The following ADAMTSL1 variants were observed in gnomAD, a reference collection of about 807,000 sequenced individuals.
The protein encoded by ADAMTSL1 is ADAMTS like 1, also known as ADAMTS-like protein 1.
A neutral mutation model predicts 201.8 loss-of-function variants in ADAMTSL1; 126 were observed. That is an observed-to-expected ratio of 0.62 (90% CI 0.54 to 0.72). The LOEUF (loss-of-function observed/expected upper bound fraction) is 0.72, where lower values mean the gene tolerates loss of function less well. Ranked by LOEUF, ADAMTSL1 falls within the 30% of genes least tolerant of loss-of-function variation. The pLI is 0.00. For missense variants in ADAMTSL1, 2,679 were observed against 2,277.8 expected (o/e 1.18, Z -3.59); for synonymous variants, 1,121 against 903.4 (o/e 1.24, Z -4.32).
chr9:17,949,911 T>C (rs577591372), intron 1 of ADAMTSL1, among the ~76,000 whole-genome samples: 2 of 152,266 alleles, frequency 1.3e-5, no homozygotes, highest in African/African-American at 2.4e-5. Flanking sequence ...TTTTGTTACA[T>C]GCTGTTACCG....
chr9:18,562,634 T>C (rs899822540), intron 3 of ADAMTSL1, among the ~76,000 whole-genome samples: 6 of 152,228 alleles, frequency 3.9e-5, no homozygotes, highest in African/African-American at 1.4e-4. Flanking sequence ...CCATTCTCCC[T>C]GTCACTTTCA....
At chr9:18,484,382 T>C (rs781120508) in intron 1 of ADAMTSL1, among the ~76,000 whole-genome samples, 27 of 152,254 alleles carry the variant, frequency 1.8e-4, no homozygotes, top group Admixed American at 3.3e-4. Flanking sequence ...TCATTATTTA[T>C]AGTGATTCAA....
intron 2 of ADAMTSL1, among the ~76,000 whole-genome samples, chr9:18,314,152 GATA>G (rs1456239998): frequency 1.3e-5 from 2 of 152,288 alleles, no homozygotes; most frequent in East Asian, 3.9e-4. Flanking sequence ...CATCTGTTAA[GATA>G]ATTATTATCA....
At chr9:18,168,293 G>T (rs1350491545) in intron 2 of ADAMTSL1, among the ~76,000 whole-genome samples, 2 of 151,696 alleles carry the variant, frequency 1.3e-5, no homozygotes, top group Admixed American at 6.6e-5. Flanking sequence ...ACCCCACAAG[G>T]GTCCCTGGTG....
At chr9:18,535,797 T>C (rs1222726766) in intron 3 of ADAMTSL1, among the ~76,000 whole-genome samples, 3 of 152,188 alleles carry the variant, frequency 2.0e-5, no homozygotes, top group South Asian at 2.1e-4. Context: ...AAGCCCCTTA[T>C]AAAATCATCA....
chr9:17,985,204 T>C (rs1818876010), intron 1 of ADAMTSL1, among the ~76,000 whole-genome samples: 1 of 152,158 alleles, frequency 6.6e-6, no homozygotes. Flanking sequence ...AAAAAGTTTT[T>C]CTCTTTTTTG....
intron 2 of ADAMTSL1, among the ~76,000 whole-genome samples, chr9:18,315,192 C>CATGACACAGAGTGG (rs1834331552): frequency 4.0e-5 from 6 of 151,804 alleles, no homozygotes; most frequent in African/African-American, 7.3e-5. Flanking sequence ...ACACAGAGTG[C>CATGACACAGAGTGG]TGATTGGAGC....
intron 2 of ADAMTSL1, among the ~76,000 whole-genome samples, chr9:18,458,327 C>G (rs1263340398): frequency 1.3e-5 from 2 of 152,154 alleles, no homozygotes; most frequent in African/African-American, 4.8e-5. Context: ...AATACATATC[C>G]TTACTATGTG....
chr9:18,689,055 G>GA (rs1831051008), intron 13 of ADAMTSL1, among the ~76,000 whole-genome samples: 1 of 151,980 alleles, frequency 6.6e-6, no homozygotes. Context: ...TGCTTTCATG[G>GA]AAAAATATAT....
intron 2 of ADAMTSL1, among the ~76,000 whole-genome samples, chr9:18,288,950 C>G (rs921777523): frequency 6.6e-6 from 1 of 152,184 alleles, no homozygotes; most frequent in Non-Finnish European, 1.5e-5. Context: ...CTTAGTCTTT[C>G]TAGCCTGTGG....
At chr9:18,375,153 A>G (rs1563920838) in intron 2 of ADAMTSL1, among the ~76,000 whole-genome samples, 1 of 152,202 alleles carries the variant, frequency 6.6e-6, no homozygotes, top group Non-Finnish European at 1.5e-5. Flanking sequence ...AGCTGAGACA[A>G]CTCATGGAGC....
intron 1 of ADAMTSL1, among the ~76,000 whole-genome samples, chr9:18,039,075 A>AATAACATC (rs1440901082): frequency 1.3e-5 from 2 of 152,234 alleles, no homozygotes; most frequent in Admixed American, 6.5e-5. Context: ...CCTCAGGTAT[A>AATAACATC]ATAACATCAA....
At chr9:18,723,052 G>C (rs559068594) in intron 15 of ADAMTSL1, 1 of 779,774 alleles carries the variant, frequency 1.3e-6, no homozygotes, top group South Asian at 1.3e-5. Context: ...CGCCTGCAAC[G>C]TTCTTTGTTA....
chr9:18,896,800 C>G (rs1044554522), intron 26 of ADAMTSL1, among the ~76,000 whole-genome samples: 2 of 152,206 alleles, frequency 1.3e-5, no homozygotes. Context: ...GCAGTCTCAG[C>G]AGAGCAGTTG....
intron 1 of ADAMTSL1, among the ~76,000 whole-genome samples, chr9:18,011,541 C>G (rs940777124): frequency 1.1e-4 from 16 of 152,120 alleles, no homozygotes; most frequent in African/African-American, 3.6e-4. Flanking sequence ...AGTGAAGTCA[C>G]AAGCTCTGGA....
At chr9:18,458,838 C>A (rs1042044760) in intron 2 of ADAMTSL1, among the ~76,000 whole-genome samples, 5 of 152,278 alleles carry the variant, frequency 3.3e-5, no homozygotes, top group African/African-American at 1.2e-4. Flanking sequence ...GGGACTTTAA[C>A]AAATCTAGCC....
chr9:18,590,130 G>A (rs978481180), intron 4 of ADAMTSL1, among the ~76,000 whole-genome samples: 2 of 151,820 alleles, frequency 1.3e-5, no homozygotes, highest in Non-Finnish European at 2.9e-5. Context: ...TTAAATGTTT[G>A]GTAGAATTCA....
intron 15 of ADAMTSL1, among the ~76,000 whole-genome samples, chr9:18,724,312 A>G (rs1817734750): frequency 6.6e-6 from 1 of 152,202 alleles, no homozygotes; most frequent in Non-Finnish European, 1.5e-5. Flanking sequence ...GGAGAATACC[A>G]AAGGCCCTAG....
chr9:18,819,649 T>G (rs911638433), intron 21 of ADAMTSL1, among the ~76,000 whole-genome samples: 9 of 152,198 alleles, frequency 5.9e-5, no homozygotes, highest in African/African-American at 2.2e-4. Context: ...GCTCACTTGA[T>G]AACCTTATAG....
Sources: gnomAD v4.1 joint callset for allele counts (sites outside exome capture counted in the v4.1 genomes callset) on GRCh38, gnomAD v4.1.1 for gene constraint, MANE v1.5 for transcripts, NCBI Gene and HGNC (gene_info 2026-07-23, HGNC 2026-07-21) for gene names.